GALNT3: variants seen among roughly 807,000 people sequenced by gnomAD.
The protein encoded by GALNT3 is polypeptide N-acetylgalactosaminyltransferase 3.
GALNT3 carries 51 observed loss-of-function variants against 69.8 expected under a neutral mutation model. The ratio of observed to expected loss-of-function variants is 0.73; its 90% CI spans 0.58 to 0.92. The LOEUF (loss-of-function observed/expected upper bound fraction) is 0.92. GALNT3 is among the 40% of genes least tolerant of loss of function. The pLI, the probability that GALNT3 is intolerant of heterozygous loss-of-function variation, is 0.00. For synonymous variants in GALNT3, 265 were observed against 248.5 expected (o/e 1.07, Z -0.63); for missense variants, 711 against 760.0 (o/e 0.94, Z 0.76).
chr2:165,778,731 C>T (rs796842780), intron 1 of GALNT3, among the ~76,000 whole-genome samples: 11 of 152,320 alleles, frequency 7.2e-5, no homozygotes, highest in African/African-American at 2.6e-4. Flanking sequence ...AGGCCATTCA[C>T]AGCCGGGGGA....
chr2:165,782,620 C>T lies in GALNT3; in HGVS notation c.-109+11395G>A, dbSNP rs867845974. Among the ~76,000 whole-genome samples the T allele has an allele frequency of 9.2e-5, 14 of 152,256 alleles. No individual in the cohort carries two copies. The Middle Eastern group carries it at 0.02, about 222-fold the overall frequency. ...TAGATCTGCTGACCCCCTGGACCCA[C>T]TATGAGTACAACTGGAGCTAAGACT... On this transcript the variant is annotated intron_variant, in intron 1 of 10. Coordinates refer to ENST00000392701, the MANE Select transcript of GALNT3 (RefSeq NM_004482.4).
chr2:165,769,407 A>AATAAT (rs1688707749), intron 2 of GALNT3, among the ~76,000 whole-genome samples: 1 of 131,394 alleles, frequency 7.6e-6, no homozygotes, highest in Non-Finnish European at 1.6e-5. Context: ...CTCCATCTCA[A>AATAAT]AATAATAATA....
At position 165,764,960 on chromosome 2, in the gene GALNT3, A is replaced by C. The variant is rs528025116; in HGVS notation, c.612T>G (p.Thr204=). The C allele has an allele frequency of 1.2e-6, 2 of 1,614,236 alleles. No individual in the cohort carries two copies. The highest frequency in any genetic ancestry group is 1.3e-5 in the African/African-American group (1 of 75,076). The part of the protein sequence containing the change: ...HNEAWSTLLR[T]VHSVLYSSPA... ...GTGAAGAATAGAGCACACTGTGGAC[A>C]GTTCTAAGCAACGTGGACCACGCTT... The change falls in exon 3 of 11, where the codon ACT becomes ACG. Residue 204 remains threonine (T), a synonymous_variant. Transcript: ENST00000392701.
chr2:165,765,648 C>T (rs1688625650), intron 2 of GALNT3, among the ~76,000 whole-genome samples: 1 of 151,998 alleles, frequency 6.6e-6, no homozygotes, highest in Non-Finnish European at 1.5e-5. Flanking sequence ...ACCACCACAC[C>T]CGGCTAATTT....
chr2:165,774,173 G>C (rs1056483351), intron 1 of GALNT3, among the ~76,000 whole-genome samples: 19 of 152,110 alleles, frequency 1.2e-4, no homozygotes, highest in African/African-American at 4.6e-4. Context: ...CTTGACAAAA[G>C]GTAGATATTC....
At chr2:165,769,523 G>T (rs1175181790) in intron 2 of GALNT3, among the ~76,000 whole-genome samples, 1 of 151,546 alleles carries the variant, frequency 6.6e-6, no homozygotes, top group Non-Finnish European at 1.5e-5. Context: ...GGAGGCCAAG[G>T]CAGATGGATC....
intron 1 of GALNT3, among the ~76,000 whole-genome samples, chr2:165,775,358 C>T (rs560509915): frequency 6.6e-6 from 1 of 152,102 alleles, no homozygotes; most frequent in Non-Finnish European, 1.5e-5. Flanking sequence ...AGCACCATTT[C>T]AGTAATAAAG....
chr2:165,774,377 T>C (rs1688807728), intron 1 of GALNT3, among the ~76,000 whole-genome samples: 1 of 152,190 alleles, frequency 6.6e-6, no homozygotes, highest in Non-Finnish European at 1.5e-5. Context: ...AATAGGAAGA[T>C]ATGACAGAAC....
intron 1 of GALNT3, among the ~76,000 whole-genome samples, chr2:165,776,296 C>T (rs1688845209): frequency 1.3e-5 from 2 of 152,234 alleles, no homozygotes; most frequent in South Asian, 4.1e-4. Flanking sequence ...CTCCTACAGT[C>T]AACTTCCAGT....
chr2:165,775,852 G>A (rs1226096451), intron 1 of GALNT3, among the ~76,000 whole-genome samples: 1 of 152,166 alleles, frequency 6.6e-6, no homozygotes, highest in African/African-American at 2.4e-5. Flanking sequence ...GATAAGGGTT[G>A]TATCTGTCCA....
chr2:165,786,560 C>A (rs1683226045), intron 1 of GALNT3, among the ~76,000 whole-genome samples: 1 of 152,142 alleles, frequency 6.6e-6, no homozygotes, highest in African/African-American at 2.4e-5. Context: ...ATGCCTAATT[C>A]AATGTAAATA....
rs746703561 is a variant in GALNT3 at position 165,759,532 on chromosome 2, T to C, written c.877A>G (p.Arg293Gly). ...FYGWLEPLLA[R>G]IAENYTAVVS... is the part of the protein sequence containing the mutation. ...ACAGCCGTGTAGTTCTCAGCTATTC[T>C]GGCCAACAGAGGTTCTAGCCAACCA... is the stretch of plus-strand genomic sequence containing the variant. Residue 293 changes from arginine to glycine, a missense_variant, in exon 5 of 11, where the codon AGA becomes GGA. Physicochemically the swap from Arg to Gly is moderately radical, Grantham distance 125. Transcript: ENST00000392701. The C allele has an allele frequency of 6.2e-7, 1 of 1,613,924 alleles. No individual in the cohort carries two copies. The highest frequency in any genetic ancestry group is 8.5e-7 in the Non-Finnish European group (1 of 1,179,970).
intron 5 of GALNT3, 58 bp from the exon 6 acceptor site, chr2:165,758,922 T>G: frequency 9.4e-7 from 1 of 1,064,620 alleles, no homozygotes; most frequent in South Asian, 1.3e-5. Flanking sequence ...TAAAACAGCA[T>G]ATTTTAAGAA....
At chr2:165,761,116 T>TA (rs35674334) in intron 4 of GALNT3, among the ~76,000 whole-genome samples, 88,282 of 147,712 alleles carry the variant, frequency 0.6, 27,083 homozygotes, top group African/African-American at 0.75. Flanking sequence ...TCTGCAAATT[T>TA]AAAAAAAAAA....
At position 165,754,848 on chromosome 2, in the gene GALNT3, A is replaced by G. The variant is rs192479752; in HGVS notation, c.1524+84T>C. 127 of 1,484,250 alleles carry G rather than the reference A, an allele frequency of 8.6e-5. No individual in the cohort carries two copies. In the East Asian group the frequency reaches 8.7e-4, roughly 10 times the overall value. The allele number at this position is 1,484,250 out of a possible 1,614,324, so 91.9% of individuals were successfully genotyped here. A position where few individuals can be genotyped will look rare whatever the true frequency, so the allele number is the denominator to read the frequency against. On this transcript the variant is annotated intron_variant, in intron 8 of 10. Transcript: ENST00000392701. ...GTAAAATCTCAAAAGCAATAAAGAA[A>G]GTATTTCAGCAATTTTCTTAGAACC...
intron 2 of GALNT3, among the ~76,000 whole-genome samples, chr2:165,765,510 T>A (rs1189257743): frequency 2.0e-5 from 3 of 146,902 alleles, no homozygotes; most frequent in Non-Finnish European, 4.6e-5. Flanking sequence ...TTTTTTTTTT[T>A]ATGGAGTCTC....
rs746885023 is a variant in GALNT3, at chr2:165,764,885, A to G, written c.687T>C (p.Asp229=). 6 of 1,613,978 alleles carry G rather than the reference A, an allele frequency of 3.7e-6. No homozygotes were observed. Among genetic ancestry groups the G allele is most frequent in the Non-Finnish European group, 2.5e-6 (3 of 1,179,988 alleles). Residue 229 remains aspartate (D), a splice_region_variant and synonymous_variant, in exon 3 of 11, where the codon GAT becomes GAC. Transcript: ENST00000392701. ...EIILVDDASV[D]EYLHDKLDEY... is the part of the protein sequence containing the mutation. ...TCTAATTTGCATGTGCTTTCTTACCATCTACACTAGCATCATCCACCAAAA... is the reference window on the plus strand; with the variant it reads ...TCTAATTTGCATGTGCTTTCTTACCGTCTACACTAGCATCATCCACCAAAA...
intron 1 of GALNT3, among the ~76,000 whole-genome samples, chr2:165,774,719 C>A (rs1407372592): frequency 6.6e-6 from 1 of 151,962 alleles, no homozygotes; most frequent in Admixed American, 6.6e-5. Flanking sequence ...ATGTTGATAA[C>A]ATAGTAGGCA....
In GALNT3 at chr2:165,764,939, A is replaced by G; in HGVS notation, c.633T>C (p.Ser211=). 6.2e-7 allele frequency: 1 copy of G among 1,614,238 alleles called. No homozygotes were observed. The highest frequency in any genetic ancestry group is 8.5e-7 in the Non-Finnish European group (1 of 1,180,038). ...TTTCCTTCAGCAGTATTGCAGGTGA[A>G]GAATAGAGCACACTGTGGACAGTTC... The part of the protein sequence containing the change: ...LLRTVHSVLY[S]SPAILLKEII... Residue 211 remains serine (S), a synonymous_variant, in exon 3 of 11, where the codon TCT becomes TCC. Coordinates refer to ENST00000392701, the MANE Select transcript of GALNT3 (RefSeq NM_004482.4).
Sources: gnomAD v4.1 joint callset for allele counts (sites outside exome capture counted in the v4.1 genomes callset) on GRCh38, gnomAD v4.1.1 for gene constraint, MANE v1.5 for transcripts, NCBI Gene and HGNC (gene_info 2026-07-23, HGNC 2026-07-21) for gene names.